RGS12: variants seen among roughly 807,000 people sequenced by gnomAD.
The protein encoded by RGS12 is regulator of G-protein signaling 12.
In RGS12, 66 loss-of-function variants were observed where a neutral mutation model predicts 120.1. The ratio of observed to expected loss-of-function variants is 0.55; its 90% confidence interval spans 0.45 to 0.67. RGS12 has a LOEUF of 0.67. Ranked by LOEUF, RGS12 falls within the 30% of genes least tolerant of loss-of-function variation. The pLI is 0.00. For synonymous variants in RGS12, 827 were observed against 804.7 expected, an observed-to-expected ratio of 1.03 and a Z score of -0.47; for missense variants, 1,859 against 1,957.7, an observed-to-expected ratio of 0.95 and a Z score of 0.95.
At chr4:3,428,735 C>G (rs755687372) in intron 16 of RGS12, 24 bp downstream of exon 16, 37 of 1,567,526 alleles carry the variant, frequency 2.4e-5, no homozygotes, top group Non-Finnish European at 3.2e-5. Context: ...TTAAAACTTC[C>G]ACGTTTTTAG....
chr4:3,307,196 G>C (rs1724021731), intron 1 of RGS12, among the ~76,000 whole-genome samples: 1 of 152,216 alleles, frequency 6.6e-6, no homozygotes, highest in Non-Finnish European at 1.5e-5. Context: ...GGCCTTTGCC[G>C]ACGTGTTGCC....
intron 2 of RGS12, 30 bp downstream of exon 2, chr4:3,318,081 A>G: frequency 2.6e-6 from 4 of 1,553,418 alleles, no homozygotes; most frequent in Non-Finnish European, 2.6e-6. Flanking sequence ...CTCAGCGCGG[A>G]GGCCCGGCCT....
chr4:3,345,250 T>A (rs1713682812), intron 3 of RGS12, among the ~76,000 whole-genome samples: 1 of 152,094 alleles, frequency 6.6e-6, no homozygotes, highest in South Asian at 2.1e-4. Context: ...GTGTGCAAGG[T>A]TGTGGTTTTG....
At chr4:3,418,063 T>C (rs1722597489) in intron 9 of RGS12, 2 of 152,796 alleles carry the variant, frequency 1.3e-5, no homozygotes, top group African/African-American at 4.8e-5. Context: ...GTAGTGAGCA[T>C]TTTTCAAGTT....
Position 3,430,664 on chromosome 4 carries a change from C to T in RGS12, c.3823C>T (p.Pro1275Ser). 3 of 1,589,268 alleles carry T rather than the reference C, an allele frequency of 1.9e-6. No homozygotes were observed. Among genetic ancestry groups the T allele is most frequent in the Non-Finnish European group, 2.6e-6 (3 of 1,167,238 alleles). Residue 1275 changes from proline to serine, a missense_variant, in exon 17 of 18, where the codon CCG (proline) becomes TCG (serine). By Grantham distance (74) the Pro-to-Ser change is moderately conservative. Coordinates refer to ENST00000336727, the MANE Select transcript of RGS12 (RefSeq NM_001394154.1). ...QESSDSPSTS[P>S]GSASSPPGPP... ...GAGCAGCGACAGCCCGTCCACCAGCCCGGGCTCAGCCTCCAGCCCCCCTGG... is the reference window on the plus strand; with the variant it reads ...GAGCAGCGACAGCCCGTCCACCAGCTCGGGCTCAGCCTCCAGCCCCCCTGG...
At chr4:3,292,149 G>A (rs996093218), upstream of RGS12, among the ~76,000 whole-genome samples, 3 of 152,254 alleles carry the variant, frequency 2.0e-5, no homozygotes, top group Non-Finnish European at 4.4e-5. Flanking sequence ...GAGAGAATGA[G>A]GGGAAGGCAG....
chr4:3,421,984 T>C (rs549363282), intron 10 of RGS12, among the ~76,000 whole-genome samples: 75 of 152,316 alleles, frequency 4.9e-4, no homozygotes, highest in African/African-American at 1.8e-3. Context: ...ATTGGAACGA[T>C]GTGCATGGGG....
chr4:3,421,811 G>T (rs530555562), intron 10 of RGS12, among the ~76,000 whole-genome samples: 1 of 152,224 alleles, frequency 6.6e-6, no homozygotes, highest in Non-Finnish European at 1.5e-5. Flanking sequence ...CCACAGAGCC[G>T]CATTATGAGG....
At chr4:3,427,780 A>G (rs1260834422) in intron 14 of RGS12, among the ~76,000 whole-genome samples, 1 of 152,222 alleles carries the variant, frequency 6.6e-6, no homozygotes, top group Non-Finnish European at 1.5e-5. Context: ...AATATGTCAT[A>G]AATGTAAGAC....
intron 4 of RGS12, among the ~76,000 whole-genome samples, chr4:3,406,963 C>T (rs1381571089): frequency 3.3e-5 from 5 of 152,186 alleles, no homozygotes; most frequent in African/African-American, 7.2e-5. Flanking sequence ...CCTGATAACA[C>T]GCTGTTTGAG....
chr4:3,438,441 G>T (rs537509141), intron 17 of RGS12, among the ~76,000 whole-genome samples: 1 of 151,992 alleles, frequency 6.6e-6, no homozygotes, highest in Non-Finnish European at 1.5e-5. Context: ...GGGTCAGTGG[G>T]CGGGAAGGGC....
At chr4:3,344,439 G>T (rs1713598329) in intron 3 of RGS12, among the ~76,000 whole-genome samples, 3 of 152,170 alleles carry the variant, frequency 2.0e-5, no homozygotes, top group African/African-American at 7.2e-5. Context: ...CTGCCATGCT[G>T]AGCTGACCAT....
chr4:3,421,200 G>T (rs1022559971), intron 10 of RGS12, among the ~76,000 whole-genome samples: 1 of 152,110 alleles, frequency 6.6e-6, no homozygotes, highest in Non-Finnish European at 1.5e-5. Context: ...GCTGGTGCTC[G>T]TCCTGGCCCC....
chr4:3,398,276 G>A (rs1188973315), intron 4 of RGS12, among the ~76,000 whole-genome samples: 1 of 152,202 alleles, frequency 6.6e-6, no homozygotes, highest in Non-Finnish European at 1.5e-5. Flanking sequence ...AAGAGCATCA[G>A]AGGAGAAAAA....
intron 4 of RGS12, among the ~76,000 whole-genome samples, chr4:3,401,561 T>A (rs1720587593): frequency 6.6e-6 from 1 of 152,244 alleles, no homozygotes; most frequent in Non-Finnish European, 1.5e-5. Flanking sequence ...ACGCTGTCCC[T>A]GTGAAGTCCG....
chr4:3,350,445 G>A (rs978145464), intron 3 of RGS12, among the ~76,000 whole-genome samples: 2 of 152,180 alleles, frequency 1.3e-5, no homozygotes, highest in African/African-American at 4.8e-5. Context: ...ACTTTGGGAG[G>A]CTGAGGCAAG....
At position 3,389,728 on chromosome 4, in the gene RGS12, C is replaced by T. The variant is rs1484796416; in HGVS notation, c.2020+3291C>T. ...CTCCCAGAGCGCCCACCTCCTCCTGCGTACGGCGTCTGTGCCAGCAGGAAA... is the reference window on the plus strand; with the variant it reads ...CTCCCAGAGCGCCCACCTCCTCCTGTGTACGGCGTCTGTGCCAGCAGGAAA... On this transcript the variant is annotated intron_variant, in intron 4 of 17. Transcript: ENST00000336727. The surrounding 1 kb of genome is among the most constrained non-coding windows in gnomAD (Gnocchi z 5.2). 1.3e-5 allele frequency among the ~76,000 whole-genome samples: 2 copies of T among 152,202 alleles called. No individual in the cohort carries two copies. The highest frequency in any genetic ancestry group is 4.8e-5 in the African/African-American group (2 of 41,442).
At chr4:3,363,134 T>TG (rs1715894884) in intron 3 of RGS12, among the ~76,000 whole-genome samples, 2 of 150,640 alleles carry the variant, frequency 1.3e-5, no homozygotes, top group Non-Finnish European at 3.0e-5. Flanking sequence ...TCAGTGAGTG[T>TG]GGGGGTGTGT....
At chr4:3,322,095 G>C (rs571681518) in intron 2 of RGS12, among the ~76,000 whole-genome samples, 4 of 152,160 alleles carry the variant, frequency 2.6e-5, no homozygotes, top group African/African-American at 9.7e-5. Flanking sequence ...CCGGGTTTCC[G>C]CCCTCAGTGG....
Sources: gnomAD v4.1 joint callset for allele counts (sites outside exome capture counted in the v4.1 genomes callset) on GRCh38, gnomAD v4.1.1 for gene constraint, Gnocchi (gnomAD v3.1) non-coding constraint, MANE v1.5 for transcripts, NCBI Gene and HGNC (gene_info 2026-07-23, HGNC 2026-07-21) for gene names.